Variants in TENM1 observed in about 807,000 individuals in gnomAD.
The protein encoded by TENM1 is teneurin transmembrane protein 1.
Under a neutral mutation model 174.8 loss-of-function variants are expected in TENM1, and 35 were observed. That is an observed-to-expected ratio of 0.20 (90% confidence interval 0.15 to 0.27). TENM1 has a LOEUF of 0.27. TENM1 is among the 10% of genes least tolerant of loss of function. The pLI, the probability that TENM1 is intolerant of heterozygous loss-of-function variation, is 1.00. For missense variants in TENM1, 1,633 were observed against 2,130.1 expected (o/e 0.77, Z 4.59); for synonymous variants, 781 against 798.7 (o/e 0.98, Z 0.37).
exon 30 of TENM1, chrX:124,383,898 G>A: frequency 8.3e-7 from 1 of 1,211,439 alleles, no homozygotes; most frequent in South Asian, 1.8e-5. Flanking sequence ...GGTGTGTATA[G>A]TATCTCCTTT....
chrX:124,635,822 T>C (rs1015269804), intron 11 of TENM1, among the ~76,000 whole-genome samples: 4 of 112,496 alleles, frequency 3.6e-5, no homozygotes, highest in African/African-American at 1.3e-4. Flanking sequence ...TGAGATTTCA[T>C]GATAAGGAGT....
chrX:124,492,245 GT>G (rs2047083911), intron 20 of TENM1, among the ~76,000 whole-genome samples: 1 of 111,520 alleles, frequency 9.0e-6, no homozygotes, highest in South Asian at 3.8e-4. Flanking sequence ...ACCAAGTAAA[GT>G]GACTAATTTG....
chrX:124,938,894 T>C (rs1167719789), intron 1 of TENM1, among the ~76,000 whole-genome samples: 1 of 111,705 alleles, frequency 9.0e-6, no homozygotes, highest in African/African-American at 3.3e-5. Flanking sequence ...TGGAGTCTAT[T>C]TGAATGCCCA....
intron 3 of TENM1, among the ~76,000 whole-genome samples, chrX:124,758,293 A>G (rs1047878226): frequency 8.9e-6 from 1 of 112,143 alleles, no homozygotes; most frequent in East Asian, 2.8e-4. Context: ...AAGATACTCA[A>G]TGTCACTAAT....
At chrX:124,471,044 C>T (rs1157304322) in intron 22 of TENM1, among the ~76,000 whole-genome samples, 1 of 98,716 alleles carries the variant, frequency 1.0e-5, no homozygotes, top group African/African-American at 3.7e-5. Context: ...ATTCCTTATG[C>T]CCTTATATAG....
At chrX:124,884,384 G>C (rs1263369336) in intron 3 of TENM1, among the ~76,000 whole-genome samples, 1 of 109,992 alleles carries the variant, frequency 9.1e-6, no homozygotes, top group African/African-American at 3.3e-5. Flanking sequence ...ATTTGGGGGT[G>C]GGTGGGGGGT....
At chrX:125,059,967 T>C in the TENM1 span, among the ~76,000 whole-genome samples, 3 of 109,009 alleles carry the variant, frequency 2.8e-5, no homozygotes, top group East Asian at 8.7e-4. Flanking sequence ...TGCCTTCAAT[T>C]GGTTGAAGGC....
At chrX:124,961,512 C>A (rs1056441432) in intron 1 of TENM1, among the ~76,000 whole-genome samples, 2 of 110,641 alleles carry the variant, frequency 1.8e-5, no homozygotes, top group Non-Finnish European at 3.8e-5. Context: ...GGCATGGAGG[C>A]GCGTACCTGA....
intron 22 of TENM1, among the ~76,000 whole-genome samples, chrX:124,454,305 C>T (rs1288284944): frequency 1.8e-5 from 2 of 111,356 alleles, no homozygotes; most frequent in Non-Finnish European, 3.8e-5. Context: ...ATCTACTGCT[C>T]TGGTTTGGCT....
the TENM1 span, among the ~76,000 whole-genome samples, chrX:125,040,084 T>C: frequency 9.0e-6 from 1 of 111,636 alleles, no homozygotes; most frequent in South Asian, 3.7e-4. Flanking sequence ...TATTAACATA[T>C]CAAAAGACTT....
intron 28 of TENM1, among the ~76,000 whole-genome samples, chrX:124,388,610 G>T (rs1391920603): frequency 8.9e-6 from 1 of 112,520 alleles, no homozygotes; most frequent in Non-Finnish European, 1.9e-5. Flanking sequence ...ATAACAGAGT[G>T]GGAGACTTTT....
At chrX:124,746,131 A>G (rs2053913465) in intron 3 of TENM1, among the ~76,000 whole-genome samples, 1 of 112,482 alleles carries the variant, frequency 8.9e-6, no homozygotes, top group African/African-American at 3.2e-5. Flanking sequence ...TTGTTTATTT[A>G]CAAATTTAAT....
intron 22 of TENM1, among the ~76,000 whole-genome samples, chrX:124,467,112 T>C (rs1168046652): frequency 1.8e-5 from 2 of 111,649 alleles, no homozygotes; most frequent in Admixed American, 1.9e-4. Flanking sequence ...CCCATTAGAC[T>C]GTTTCCCCCA....
intron 3 of TENM1, among the ~76,000 whole-genome samples, chrX:124,771,800 A>G (rs931315195): frequency 2.7e-5 from 3 of 112,281 alleles, no homozygotes; most frequent in Non-Finnish European, 3.8e-5. Context: ...TCAAGAAAAC[A>G]GCTTAAGAGA....
chrX:124,736,414 C>G (rs942409858), intron 4 of TENM1, among the ~76,000 whole-genome samples: 2 of 110,173 alleles, frequency 1.8e-5, no homozygotes, highest in Non-Finnish European at 3.8e-5. Context: ...CTCAAAAGAC[C>G]AAAAGCTTCA....
At position 124,645,989 on chromosome X, in the gene TENM1, C is replaced by T. The variant is rs146992703; in HGVS notation, c.1682-652G>A. Among the ~76,000 whole-genome samples, 186 of 111,724 alleles carry T rather than the reference C, an allele frequency of 1.7e-3. 4 individuals are homozygous for T. In the East Asian group the frequency reaches 0.049, roughly 29 times the overall value. On this transcript the variant is annotated intron_variant, in intron 9 of 31. Transcript: ENST00000422452. ...AACCTAGCAAGTGTTTTAGAATTCGCTACTGAATGGAATTTAATAGAAAGA... is the reference window on the plus strand; with the variant it reads ...AACCTAGCAAGTGTTTTAGAATTCGTTACTGAATGGAATTTAATAGAAAGA...
the TENM1 span, among the ~76,000 whole-genome samples, chrX:125,131,595 G>A: frequency 8.9e-6 from 1 of 111,966 alleles, no homozygotes; most frequent in Admixed American, 9.5e-5. Flanking sequence ...CTTGAAGAAT[G>A]GAGTAGGGAC....
intron 5 of TENM1, among the ~76,000 whole-genome samples, chrX:124,686,202 C>T (rs1004219999): frequency 1.2e-4 from 13 of 110,451 alleles, no homozygotes; most frequent in Non-Finnish European, 2.5e-4. Context: ...GGTGATATAG[C>T]CAAAGTATTA....
chrX:124,398,400 T>A (rs1353114961), intron 27 of TENM1, among the ~76,000 whole-genome samples: 1 of 110,620 alleles, frequency 9.0e-6, no homozygotes, highest in Non-Finnish European at 1.9e-5. Context: ...AAGCCTACTT[T>A]TATTTCACAG....
Sources: gnomAD v4.1 joint callset for allele counts (sites outside exome capture counted in the v4.1 genomes callset) on GRCh38, gnomAD v4.1.1 for gene constraint, MANE v1.5 for transcripts, NCBI Gene and HGNC (gene_info 2026-07-23, HGNC 2026-07-21) for gene names.